Variants in ELAVL4 observed in about 807,000 individuals in gnomAD.
ELAVL4 encodes the protein ELAV-like protein 4.
Under a neutral mutation model 35.6 loss-of-function variants are expected in ELAVL4, and 1 was observed. That is an observed-to-expected ratio of 0.03 (90% CI 0.01 to 0.13). ELAVL4 has a LOEUF of 0.13. ELAVL4 is among the 10% of genes least tolerant of loss of function. The pLI is 1.00. For missense variants in ELAVL4, 267 were observed against 464.9 expected, an observed-to-expected ratio of 0.57 and a Z score of 3.91; for synonymous variants, 156 against 171.0, an observed-to-expected ratio of 0.91 and a Z score of 0.69.
chr1:50,105,278 A>C (rs906781201), upstream of ELAVL4, among the ~76,000 whole-genome samples: 17 of 152,072 alleles, frequency 1.1e-4, no homozygotes, highest in African/African-American at 3.9e-4. Context: ...TGCTAAAGAG[A>C]AATATTTTCA....
At chr1:50,112,505 T>G (rs1667239735) in intron 1 of ELAVL4, among the ~76,000 whole-genome samples, 1 of 152,112 alleles carries the variant, frequency 6.6e-6, no homozygotes, top group African/African-American at 2.4e-5. Flanking sequence ...AAAATCCAAT[T>G]GGAAATATTT....
upstream of ELAVL4, among the ~76,000 whole-genome samples, chr1:50,099,809 T>G (rs1434770815): frequency 6.6e-6 from 1 of 152,184 alleles, no homozygotes; most frequent in East Asian, 1.9e-4. Context: ...GAATAGCACA[T>G]GCACGAAATA....
rs34322437 is a variant in ELAVL4, at chr1:50,186,843, A to AAGC, written c.355-6921_355-6920insGCA. ...TTCCATGAAGTTTCACCTCTGATAA[A>AAGC]ATAGCACGTATCAGGTGGCAGGTAG... is the stretch of plus-strand genomic sequence containing the variant. On this transcript the variant is annotated intron_variant, in intron 3 of 6. Transcript: ENST00000371824. 1.4e-3 allele frequency among the ~76,000 whole-genome samples: 6 copies of AAGC among 4,194 alleles called. No homozygotes were observed. The East Asian group carries it at 0.5, about 349-fold the overall frequency. The allele number at this position is 4,194 out of a possible 152,430, so 2.8% of individuals were successfully genotyped here.
rs530988359 is a variant in ELAVL4, at chr1:50,162,450, G to A, written c.251-14639G>A. On this transcript the variant is annotated intron_variant, in intron 2 of 6. Transcript: ENST00000371824. ...CTACTGTAGGCCAGGCACTTTGCTT[G>A]TTGCCATCTTTATGCCACATGATGA... Among the ~76,000 whole-genome samples, 85 of 152,292 alleles carry A rather than the reference G, an allele frequency of 5.6e-4. 1 individual carries two copies. Among genetic ancestry groups the A allele is most frequent in the African/African-American group, 1.9e-3 (78 of 41,566 alleles).
intron 1 of ELAVL4, among the ~76,000 whole-genome samples, chr1:50,061,937 G>C (rs1327983868): frequency 6.6e-6 from 1 of 152,172 alleles, no homozygotes; most frequent in Admixed American, 6.5e-5. Context: ...CTCATTGTCT[G>C]TTTCTGGGTA....
intron 1 of ELAVL4, among the ~76,000 whole-genome samples, chr1:50,066,307 A>G (rs1664264670): frequency 6.6e-6 from 1 of 152,220 alleles, no homozygotes; most frequent in African/African-American, 2.4e-5. Flanking sequence ...TCTTAGGCAC[A>G]TACTTCTTTT....
intron 4 of ELAVL4, among the ~76,000 whole-genome samples, chr1:50,194,531 C>T (rs1427456865): frequency 1.3e-5 from 2 of 152,130 alleles, no homozygotes; most frequent in Non-Finnish European, 2.9e-5. Context: ...CAATTTGATT[C>T]CAATTTAGAA....
intron 3 of ELAVL4, among the ~76,000 whole-genome samples, chr1:50,179,056 C>T (rs1680593776): frequency 6.6e-6 from 1 of 151,980 alleles, no homozygotes; most frequent in Non-Finnish European, 1.5e-5. Flanking sequence ...CCCCCTAGCC[C>T]ATCATGCCAT....
At chr1:50,067,558 C>T (rs552333539) in intron 1 of ELAVL4, among the ~76,000 whole-genome samples, 1 of 152,104 alleles carries the variant, frequency 6.6e-6, no homozygotes, top group Non-Finnish European at 1.5e-5. Flanking sequence ...TATAGGTAAA[C>T]CGATACAGGG....
At chr1:50,114,726 T>C (rs1363545619) in intron 1 of ELAVL4, among the ~76,000 whole-genome samples, 1 of 152,106 alleles carries the variant, frequency 6.6e-6, no homozygotes, top group Non-Finnish European at 1.5e-5. Context: ...TTTAATTATA[T>C]CCAGTTTGGG....
chr1:50,141,594 C>T (rs896118541), intron 1 of ELAVL4, among the ~76,000 whole-genome samples: 1 of 152,170 alleles, frequency 6.6e-6, no homozygotes, highest in African/African-American at 2.4e-5. Context: ...GTAATGCCAT[C>T]CCTTTAGCAT....
intron 1 of ELAVL4, among the ~76,000 whole-genome samples, chr1:50,142,950 A>C (rs183953190): frequency 1.3e-5 from 2 of 152,238 alleles, no homozygotes; most frequent in African/African-American, 4.8e-5. Context: ...GCATTGTTAC[A>C]TGTAACAGAG....
chr1:50,086,486 A>G (rs1665249814), intron 1 of ELAVL4, among the ~76,000 whole-genome samples: 1 of 150,552 alleles, frequency 6.6e-6, no homozygotes, highest in South Asian at 2.1e-4. Flanking sequence ...TTATATATAT[A>G]TATATATATA....
chr1:50,108,230 C>T (rs1049163555), upstream of ELAVL4, among the ~76,000 whole-genome samples: 1 of 152,126 alleles, frequency 6.6e-6, no homozygotes, highest in African/African-American at 2.4e-5. Context: ...CCCTTACCCC[C>T]ACCATTTTTT....
chr1:50,195,512 A>G, intron 4 of ELAVL4, 49 bp from the exon 5 acceptor site: 1 of 1,593,470 alleles, frequency 6.3e-7, no homozygotes, highest in Non-Finnish European at 8.6e-7. Context: ...AAAGATGTTT[A>G]CCAGTTTGGT....
chr1:50,070,677 G>A (rs373838681), intron 1 of ELAVL4, among the ~76,000 whole-genome samples: 1 of 149,112 alleles, frequency 6.7e-6, no homozygotes, highest in Non-Finnish European at 1.5e-5. Context: ...GGAGGCGGAG[G>A]TTGCAGTGAG....
rs541318450 is a variant in ELAVL4, at chr1:50,190,386, A to T, written c.355-3379A>T. ...TAGAATTTAATACATGTATATGGAA[A>T]GTTGAAAATTTTAGGTACTAGGATG... On this transcript the variant is annotated intron_variant, in intron 3 of 6. Transcript: ENST00000371824. Among the ~76,000 whole-genome samples the T allele has an allele frequency of 3.9e-5, 6 of 152,376 alleles. No individual in the cohort carries two copies. In the South Asian group the frequency reaches 1.2e-3, roughly 32 times the overall value.
At chr1:50,076,829 T>G (rs1396382374) in intron 1 of ELAVL4, among the ~76,000 whole-genome samples, 2 of 152,084 alleles carry the variant, frequency 1.3e-5, no homozygotes, top group Non-Finnish European at 2.9e-5. Flanking sequence ...TGATAAGCAT[T>G]TATTGAGTGA....
chr1:50,131,633 C>A (rs1557750378), intron 1 of ELAVL4, among the ~76,000 whole-genome samples: 1 of 151,634 alleles, frequency 6.6e-6, no homozygotes, highest in African/African-American at 2.4e-5. Flanking sequence ...ACTAAAAATA[C>A]AAAAAAATTA....
Sources: gnomAD v4.1 joint callset for allele counts (sites outside exome capture counted in the v4.1 genomes callset) on GRCh38, gnomAD v4.1.1 for gene constraint, MANE v1.5 for transcripts, NCBI Gene and HGNC (gene_info 2026-07-23, HGNC 2026-07-21) for gene names.